Variants in ZNF561 observed in about 807,000 individuals in gnomAD.
The protein encoded by ZNF561 is zinc finger protein 561.
Under a neutral mutation model 16.7 loss-of-function variants are expected in ZNF561, and 16 were observed. That is an observed-to-expected ratio of 0.96 (90% CI 0.65 to 1.45). The LOEUF (loss-of-function observed/expected upper bound fraction) is 1.45. Ranked by LOEUF, ZNF561 falls within the 40% of genes most tolerant of loss-of-function variation. ZNF561 has a pLI of 0.00. For missense variants in ZNF561, 580 were observed against 578.0 expected (o/e 1.00, Z -0.04); for synonymous variants, 190 against 192.1 (o/e 0.99, Z 0.09).
intron 4 of ZNF561, 50 bp downstream of exon 4, chr19:9,616,995 G>C: frequency 6.4e-7 from 1 of 1,556,240 alleles, no homozygotes; most frequent in South Asian, 1.2e-5. Flanking sequence ...CCAAGTATCT[G>C]GGACTACAGG....
rs946910280 is a variant in ZNF561, at chr19:9,609,367, G to C, written c.*833C>G. On this transcript the variant is annotated 3_prime_UTR_variant, in exon 6 of 6. Coordinates refer to ENST00000302851, the MANE Select transcript of ZNF561 (RefSeq NM_152289.3). ...GGGTCAGGGTCTCCATGACCCAGCTGGTCTCAGCAAAAATGCAAAAGGAGA... is the reference window on the plus strand; with the variant it reads ...GGGTCAGGGTCTCCATGACCCAGCTCGTCTCAGCAAAAATGCAAAAGGAGA... The C allele has an allele frequency of 2.6e-5, 4 of 152,086 alleles. No homozygotes were observed. The highest frequency in any genetic ancestry group is 9.7e-5 in the African/African-American group (4 of 41,406). The allele number at this position is 152,086 out of a possible 1,614,324, so 9.4% of individuals were successfully genotyped here.
At chr19:9,613,709 G>C (rs778916257) in intron 5 of ZNF561, among the ~76,000 whole-genome samples, 2 of 152,142 alleles carry the variant, frequency 1.3e-5, no homozygotes, top group Non-Finnish European at 2.9e-5. Flanking sequence ...TAGAGATGGA[G>C]TTTCACCATG....
intron 5 of ZNF561, among the ~76,000 whole-genome samples, chr19:9,612,890 G>A (rs1385047986): frequency 6.6e-6 from 1 of 152,122 alleles, no homozygotes; most frequent in Non-Finnish European, 1.5e-5. Context: ...TAATCTCCCA[G>A]GCTGAAGCCA....
At position 9,610,898 on chromosome 19, in the gene ZNF561, T is replaced by A. The variant is rs1346390850; in HGVS notation, c.763A>T (p.Thr255Ser). The change falls in exon 6 of 6, where the codon ACT becomes TCT. Residue 255 changes from threonine (T) to serine (S), a missense_variant. Physicochemically the swap from Thr to Ser is moderately conservative, Grantham distance 58 (BLOSUM62 1). Coordinates refer to ENST00000302851, the MANE Select transcript of ZNF561 (RefSeq NM_152289.3). ...GTGAAGGATTTCCCACATTTCTTAG[T>A]CTTTTTGGATTTCTTTCCTGTATGA... ...AVHTGKKSKKTKKCGKSFTNF... is the reference protein window; with the variant it reads ...AVHTGKKSKKSKKCGKSFTNF... The A allele has an allele frequency of 1.2e-6, 2 of 1,614,060 alleles. No individual in the cohort carries two copies. Among genetic ancestry groups the A allele is most frequent in the Non-Finnish European group, 1.7e-6 (2 of 1,180,026 alleles).
rs760478679 is a variant in ZNF561, at chr19:9,611,002, G to A, written c.659C>T (p.Thr220Ile). 6.2e-7 allele frequency: 1 copy of A among 1,614,126 alleles called. No homozygotes were observed. Among genetic ancestry groups the A allele is most frequent in the African/African-American group, 1.3e-5 (1 of 75,056 alleles). Residue 220 changes from threonine (T) to isoleucine (I), a missense_variant, in exon 6 of 6, where the codon ACT (threonine) becomes ATT (isoleucine). Thr to Ile is a moderately conservative substitution (Grantham distance 89). Coordinates refer to ENST00000302851, the MANE Select transcript of ZNF561 (RefSeq NM_152289.3). Reference sequence around the variant, plus strand: ...CTGAAATTCACAGAGTTTCTCATCAGTGTGGATTCCCATATGATTATCAAG... The same window carrying A: ...CTGAAATTCACAGAGTTTCTCATCAATGTGGATTCCCATATGATTATCAAG... ...ASLDNHMGIH[T>I]DEKLCEFQEY...
intron 5 of ZNF561, among the ~76,000 whole-genome samples, chr19:9,612,240 T>C (rs1381933966): frequency 1.3e-5 from 2 of 151,810 alleles, no homozygotes; most frequent in African/African-American, 4.8e-5. Flanking sequence ...AGTTTATTTA[T>C]TTTTGAGATG....
In ZNF561 at chr19:9,610,753, T is replaced by C; in HGVS notation, c.908A>G (p.His303Arg). ...ACACTTGTGTGGTTTTATTCCAGTG[T>C]GAATTTGAATGTGATCATTAAGGCA... is the stretch of plus-strand genomic sequence containing the variant. ...SSCLNDHIQI[H>R]TGIKPHKCTY... The change falls in exon 6 of 6, where the codon CAC becomes CGC. Residue 303 changes from histidine to arginine, a missense_variant. Physicochemically the swap from His to Arg is conservative, Grantham distance 29. Transcript: ENST00000302851. 1 of 1,614,230 alleles carries C rather than the reference T, an allele frequency of 6.2e-7. No homozygotes were observed. Among genetic ancestry groups the C allele is most frequent in the Non-Finnish European group, 8.5e-7 (1 of 1,180,040 alleles).
At chr19:9,612,878 C>T (rs963659300) in intron 5 of ZNF561, among the ~76,000 whole-genome samples, 3 of 152,172 alleles carry the variant, frequency 2.0e-5, no homozygotes, top group Non-Finnish European at 4.4e-5. Context: ...TCACTGTGGC[C>T]TTAATCTCCC....
At chr19:9,613,095 A>G (rs1184343761) in intron 5 of ZNF561, among the ~76,000 whole-genome samples, 1 of 152,142 alleles carries the variant, frequency 6.6e-6, no homozygotes, top group East Asian at 1.9e-4. Flanking sequence ...CCAGTCAAAT[A>G]GTGTAGATTT....
In ZNF561 at chr19:9,607,784, A is replaced by C. The variant is rs2074376118; in HGVS notation, c.*2416T>G. The C allele has an allele frequency of 6.6e-6, 1 of 152,244 alleles. No individual in the cohort carries two copies. The highest frequency in any genetic ancestry group is 2.4e-5 in the African/African-American group (1 of 41,468). The allele number at this position is 152,244 out of a possible 1,614,324, so 9.4% of individuals were successfully genotyped here. A position where few individuals can be genotyped will look rare whatever the true frequency, so the allele number is the denominator to read the frequency against. ...GTCTATGTGGAAACGGAAAAGAATCATATTAAGTACTTTGGACTGAATGAT... is the reference window on the plus strand; with the variant it reads ...GTCTATGTGGAAACGGAAAAGAATCCTATTAAGTACTTTGGACTGAATGAT... On this transcript the variant is annotated 3_prime_UTR_variant, in exon 6 of 6. Coordinates refer to ENST00000302851, the MANE Select transcript of ZNF561 (RefSeq NM_152289.3).
rs745646866 is a variant in ZNF561, at chr19:9,610,500, G to A, written c.1161C>T (p.His387=). 5.6e-6 allele frequency: 9 copies of A among 1,613,762 alleles called. No individual in the cohort carries two copies. Among genetic ancestry groups the A allele is most frequent in the Non-Finnish European group, 7.6e-6 (9 of 1,179,772 alleles). The change falls in exon 6 of 6, where the codon CAC becomes CAT. Residue 387 remains histidine (H), a synonymous_variant. Coordinates refer to ENST00000302851, the MANE Select transcript of ZNF561 (RefSeq NM_152289.3). ...CACATTCATAAGGCTTCTCTCCTGT[G>A]TGAATTCTTGTATGCTGAATAAGAC... ...STSLIQHTRI[H]TGEKPYECVE... is the part of the protein sequence containing the mutation.
chr19:9,613,887 G>A (rs997635302), intron 5 of ZNF561, 134 bp downstream of exon 5: 3 of 1,016,266 alleles, frequency 3.0e-6, no homozygotes, highest in Admixed American at 4.5e-5. Flanking sequence ...GCTCAAATGA[G>A]ACCCCCACTT....
Position 9,610,600 on chromosome 19 carries a change from A to G in ZNF561, c.1061T>C (p.Ile354Thr), listed in dbSNP as rs2074430926. 6.2e-7 allele frequency: 1 copy of G among 1,613,510 alleles called. No individual in the cohort carries two copies. The highest frequency in any genetic ancestry group is 1.3e-5 in the African/African-American group (1 of 74,916). Residue 354 changes from isoleucine (I) to threonine (T), a missense_variant, in exon 6 of 6, where the codon ATA becomes ACA. By Grantham distance (89) the Ile-to-Thr change is moderately conservative. Coordinates refer to ENST00000302851, the MANE Select transcript of ZNF561 (RefSeq NM_152289.3). ...CTTTCCACTGTGACTTCGTATGTGT[A>G]TAGAAAGGCCCGAGTACTGAGCAAA... ...QAFAQYSGLS[I>T]HIRSHSGKKP...
In ZNF561 at chr19:9,609,588, A is replaced by G. The variant is rs571431010; in HGVS notation, c.*612T>C. On this transcript the variant is annotated 3_prime_UTR_variant, in exon 6 of 6. Transcript: ENST00000302851. Reference sequence around the variant, plus strand: ...TATCAGCCACCTTGACAGAAGTGAGAAGAGAGACTGGATTATACTAGAAGA... The same window carrying G: ...TATCAGCCACCTTGACAGAAGTGAGGAGAGAGACTGGATTATACTAGAAGA... 5.2e-5 allele frequency: 8 copies of G among 152,426 alleles called. No individual in the cohort carries two copies. The highest frequency in any genetic ancestry group is 9.6e-5 in the African/African-American group (4 of 41,578). The allele number at this position is 152,426 out of a possible 1,614,324, so 9.4% of individuals were successfully genotyped here.
intron 2 of ZNF561, among the ~76,000 whole-genome samples, chr19:9,618,742 ACTCT>A (rs2074604912): frequency 6.6e-6 from 1 of 150,712 alleles, no homozygotes; most frequent in South Asian, 2.1e-4. Context: ...AAAAAAAGTG[ACTCT>A]CTATCTGCCC....
At chr19:9,615,120 A>G (rs1438609104) in intron 4 of ZNF561, among the ~76,000 whole-genome samples, 3 of 151,938 alleles carry the variant, frequency 2.0e-5, no homozygotes, top group Non-Finnish European at 4.4e-5. Flanking sequence ...GATTACAGGC[A>G]TGAGCCACCA....
In ZNF561 at chr19:9,610,878, G is replaced by T. The variant is rs148564849; in HGVS notation, c.783C>A (p.Ser261=). ...KSKKTKKCGK[S]FTNFSQLYAP... ...CATAAAGTTGAGAAAAATTAGTGAA[G>T]GATTTCCCACATTTCTTAGTCTTTT... is the stretch of plus-strand genomic sequence containing the variant. The change falls in exon 6 of 6, where the codon TCC becomes TCA. Residue 261 remains serine, a synonymous_variant. Coordinates refer to ENST00000302851, the MANE Select transcript of ZNF561 (RefSeq NM_152289.3). The T allele has an allele frequency of 4.3e-6, 7 of 1,614,098 alleles. No individual in the cohort carries two copies. Among genetic ancestry groups the T allele is most frequent in the Non-Finnish European group, 5.9e-6 (7 of 1,180,008 alleles).
rs779531767 is a variant in ZNF561 at position 9,610,439 on chromosome 19, G to C, written c.1222C>G (p.Arg408Gly). ...CGKTFITSSR[R>G]SKHLKTHSGE... The stretch of plus-strand genomic sequence containing the variant: ...CTATGAGTTTTCAAATGTTTACTAC[G>C]ACGGGAAGAAGTAATGAAGGTCTTC... The change falls in exon 6 of 6, where the codon CGT becomes GGT. Residue 408 changes from arginine to glycine, a missense_variant. Arg to Gly is a moderately radical substitution (Grantham distance 125, BLOSUM62 -2). Transcript: ENST00000302851. 1 of 1,611,562 alleles carries C rather than the reference G, an allele frequency of 6.2e-7. No homozygotes were observed. The highest frequency in any genetic ancestry group is 2.2e-5 in the East Asian group (1 of 44,860).
rs1393039930 is a variant in ZNF561 at position 9,608,902 on chromosome 19, A to G, written c.*1298T>C. 1 of 152,148 alleles carries G rather than the reference A, an allele frequency of 6.6e-6. No individual in the cohort carries two copies. Among genetic ancestry groups the G allele is most frequent in the Non-Finnish European group, 1.5e-5 (1 of 68,028 alleles). The allele number at this position is 152,148 out of a possible 1,614,324, so 9.4% of individuals were successfully genotyped here. A position where few individuals can be genotyped will look rare whatever the true frequency, so the allele number is the denominator to read the frequency against. ...AAATGTGCTCAGAACAGGCCCCCCAAATTTGGACATAAACAGGCCATGAGA... is the reference window on the plus strand; with the variant it reads ...AAATGTGCTCAGAACAGGCCCCCCAGATTTGGACATAAACAGGCCATGAGA... On this transcript the variant is annotated 3_prime_UTR_variant, in exon 6 of 6. Transcript: ENST00000302851.
Sources: gnomAD v4.1 joint callset for allele counts (sites outside exome capture counted in the v4.1 genomes callset) on GRCh38, gnomAD v4.1.1 for gene constraint, MANE v1.5 for transcripts, NCBI Gene and HGNC (gene_info 2026-07-23, HGNC 2026-07-21) for gene names.